Variants in CNOT10 observed in about 807,000 individuals in gnomAD.
The protein encoded by CNOT10 is CCR4-NOT transcription complex, subunit 10.
A neutral mutation model predicts 94.6 loss-of-function variants in CNOT10; 30 were observed. That is an observed-to-expected ratio of 0.32 (90% CI 0.24 to 0.43). CNOT10 has a LOEUF of 0.43. Ranked by LOEUF, CNOT10 falls within the 20% of genes least tolerant of loss-of-function variation. The probability of loss-of-function intolerance (pLI) is 1.00; values close to 1 mark genes in which losing one functional copy is unlikely to be tolerated. For missense variants in CNOT10, 759 were observed against 877.2 expected (o/e 0.87, Z 1.70); for synonymous variants, 289 against 301.6 (o/e 0.96, Z 0.43).
At chr3:32,694,889 T>C (rs115292906) in intron 1 of CNOT10, among the ~76,000 whole-genome samples, 328 of 152,124 alleles carry the variant, frequency 2.2e-3, no homozygotes, top group African/African-American at 7.4e-3. Flanking sequence ...GCGCCCAGCC[T>C]AACTTTTATA....
At chr3:32,732,643 G>A (rs868363812) in intron 10 of CNOT10, among the ~76,000 whole-genome samples, 7 of 151,720 alleles carry the variant, frequency 4.6e-5, no homozygotes. Flanking sequence ...GTCTCACTAT[G>A]TTGCCCAGGC....
intron 10 of CNOT10, chr3:32,731,141 T>C (rs1698928337): frequency 6.6e-6 from 1 of 152,186 alleles, no homozygotes; most frequent in Non-Finnish European, 1.5e-5. Flanking sequence ...CTCACAATAA[T>C]GGTTTAAAAT....
In CNOT10 at chr3:32,769,982, T is replaced by A. The variant is rs1700826732; in HGVS notation, c.2080+20T>A. 1.3e-6 allele frequency: 2 copies of A among 1,592,248 alleles called. No homozygotes were observed. The highest frequency in any genetic ancestry group is 2.2e-5 in the South Asian group (2 of 90,648). On this transcript the variant is annotated intron_variant, in intron 18 of 18. Coordinates refer to ENST00000328834, the MANE Select transcript of CNOT10 (RefSeq NM_015442.3). ...AGAATGGTGAGTAATTCTCTCTGTT[T>A]AGGACTTTATCCCTTGAAAGAGCCT...
intron 1 of CNOT10, among the ~76,000 whole-genome samples, chr3:32,700,749 C>A (rs147167896): frequency 2.6e-5 from 4 of 152,270 alleles, no homozygotes; most frequent in African/African-American, 9.6e-5. Context: ...CTTTGAAATT[C>A]TTTAAAGTCA....
At chr3:32,687,712 C>G (rs2125484532) in intron 1 of CNOT10, 1 of 152,322 alleles carries the variant, frequency 6.6e-6, no homozygotes, top group Admixed American at 6.5e-5. Flanking sequence ...CTCGCCCTCC[C>G]AAAGTGCTGG....
At chr3:32,761,360 A>T (rs1437600090) in intron 14 of CNOT10, among the ~76,000 whole-genome samples, 2 of 152,106 alleles carry the variant, frequency 1.3e-5, no homozygotes. Context: ...TGGTGTTCAG[A>T]TTGTGGTGTA....
intron 13 of CNOT10, among the ~76,000 whole-genome samples, chr3:32,747,275 G>A (rs1202509881): frequency 2.0e-5 from 3 of 151,872 alleles, no homozygotes; most frequent in South Asian, 2.1e-4. Context: ...AAAATTAAGC[G>A]GGTGTACTGG....
intron 10 of CNOT10, among the ~76,000 whole-genome samples, chr3:32,732,490 G>A (rs550895128): frequency 6.6e-6 from 1 of 152,182 alleles, no homozygotes; most frequent in South Asian, 2.1e-4. Flanking sequence ...GGAGGCTGAA[G>A]CAGGAGGATC....
At chr3:32,721,301 A>T (rs1282371458) in intron 8 of CNOT10, among the ~76,000 whole-genome samples, 1 of 150,774 alleles carries the variant, frequency 6.6e-6, no homozygotes, top group Non-Finnish European at 1.5e-5. Context: ...ACCTCAAGTG[A>T]CCCGCCCACC....
chr3:32,755,672 G>A (rs540353774), intron 13 of CNOT10, among the ~76,000 whole-genome samples: 1 of 150,918 alleles, frequency 6.6e-6, no homozygotes, highest in Non-Finnish European at 1.5e-5. Flanking sequence ...AGGATCTATG[G>A]CTTGACAAAT....
At chr3:32,690,186 AG>A (rs1259711685) in intron 1 of CNOT10, among the ~76,000 whole-genome samples, 1 of 152,202 alleles carries the variant, frequency 6.6e-6, no homozygotes, top group East Asian at 1.9e-4. Context: ...TGATAAGAGT[AG>A]GGGCTTTGAA....
intron 15 of CNOT10, chr3:32,764,040 G>A (rs990433542): frequency 1.9e-5 from 3 of 161,930 alleles, no homozygotes; most frequent in Admixed American, 6.4e-5. Flanking sequence ...TGAGGCCAGA[G>A]AATCACTTGA....
At chr3:32,699,550 G>T (rs912280655) in intron 1 of CNOT10, among the ~76,000 whole-genome samples, 4 of 152,164 alleles carry the variant, frequency 2.6e-5, no homozygotes, top group Admixed American at 2.6e-4. Context: ...AAGGACTGTG[G>T]CAGGGTTCTT....
chr3:32,739,417 A>G (rs1235303541), intron 13 of CNOT10, among the ~76,000 whole-genome samples: 1 of 151,862 alleles, frequency 6.6e-6, no homozygotes, highest in African/African-American at 2.4e-5. Flanking sequence ...CTGGTCACTG[A>G]TTTTTAGATA....
chr3:32,771,250 C>A (rs1250553123), intron 18 of CNOT10, among the ~76,000 whole-genome samples: 1 of 151,606 alleles, frequency 6.6e-6, no homozygotes. Context: ...TCACTTGAGC[C>A]CTGGAGGTTG....
intron 14 of CNOT10, among the ~76,000 whole-genome samples, chr3:32,760,394 G>A (rs1340461065): frequency 3.9e-5 from 6 of 152,094 alleles, no homozygotes; most frequent in Non-Finnish European, 8.8e-5. Flanking sequence ...CACTTTGGGA[G>A]GCTGAGGTAG....
chr3:32,690,683 A>G (rs1280863552), intron 1 of CNOT10, among the ~76,000 whole-genome samples: 1 of 151,058 alleles, frequency 6.6e-6, no homozygotes. Context: ...AGTGGCTAGG[A>G]CTACAGGTGC....
chr3:32,710,288 T>A (rs908671067), intron 4 of CNOT10, among the ~76,000 whole-genome samples: 3 of 151,354 alleles, frequency 2.0e-5, no homozygotes, highest in South Asian at 2.1e-4. Flanking sequence ...TTTTTTTTTT[T>A]AAACTTTTAC....
intron 1 of CNOT10, among the ~76,000 whole-genome samples, chr3:32,694,321 C>G (rs897157521): frequency 6.6e-6 from 1 of 152,040 alleles, no homozygotes; most frequent in Non-Finnish European, 1.5e-5. Context: ...TTTAGACATT[C>G]ATCACAGGCC....
Sources: gnomAD v4.1 joint callset for allele counts (sites outside exome capture counted in the v4.1 genomes callset) on GRCh38, gnomAD v4.1.1 for gene constraint, MANE v1.5 for transcripts, NCBI Gene and HGNC (gene_info 2026-07-23, HGNC 2026-07-21) for gene names.